Variants in NAALADL2 observed in about 807,000 individuals in gnomAD.
The protein encoded by NAALADL2 is N-acetylated alpha-linked acidic dipeptidase like 2.
A neutral mutation model predicts 87.2 loss-of-function variants in NAALADL2; 76 were observed. The ratio of observed to expected loss-of-function variants is 0.87; its 90% CI spans 0.72 to 1.05. The LOEUF is 1.05. Ranked by LOEUF, NAALADL2 falls within the 50% of genes least tolerant of loss-of-function variation. The probability of loss-of-function intolerance (pLI) is 0.00; values close to 1 mark genes in which losing one functional copy is unlikely to be tolerated. For synonymous variants in NAALADL2, 354 were observed against 331.0 expected (o/e 1.07, Z -0.75); for missense variants, 1,089 against 945.8 (o/e 1.15, Z -1.99).
chr3:175,187,959 G>T (rs1045197358), intron 2 of NAALADL2, among the ~76,000 whole-genome samples: 1 of 152,008 alleles, frequency 6.6e-6, no homozygotes, highest in African/African-American at 2.4e-5. Flanking sequence ...TTTCCTGTAC[G>T]TATTTTCTCT....
chr3:174,864,516 A>G (rs2109559217), intron 1 of NAALADL2, among the ~76,000 whole-genome samples: 1 of 152,218 alleles, frequency 6.6e-6, no homozygotes, highest in African/African-American at 2.4e-5. Context: ...GAAACATTTT[A>G]CATTTCAATT....
intron 2 of NAALADL2, among the ~76,000 whole-genome samples, chr3:174,710,845 C>G (rs1730559876): frequency 6.6e-6 from 1 of 152,182 alleles, no homozygotes; most frequent in African/African-American, 2.4e-5. Context: ...ATTACTCAGC[C>G]TAGCGAGAGC....
chr3:175,549,554 C>A (rs1713994924), intron 9 of NAALADL2, among the ~76,000 whole-genome samples: 1 of 151,858 alleles, frequency 6.6e-6, no homozygotes. Flanking sequence ...GACAATACAG[C>A]TTTTTGGAGA....
chr3:175,041,547 G>A (rs565463552), intron 1 of NAALADL2, among the ~76,000 whole-genome samples: 1 of 152,242 alleles, frequency 6.6e-6, no homozygotes, highest in East Asian at 1.9e-4. Context: ...GCTCATGGAT[G>A]ACACTCAGAC....
At chr3:174,972,100 A>G (rs1743766609) in intron 1 of NAALADL2, among the ~76,000 whole-genome samples, 1 of 152,042 alleles carries the variant, frequency 6.6e-6, no homozygotes, top group Non-Finnish European at 1.5e-5. Flanking sequence ...CCGCCCCTCC[A>G]TATTTTCTTA....
chr3:175,775,810 C>T (rs1328199607), intron 13 of NAALADL2, among the ~76,000 whole-genome samples: 1 of 152,130 alleles, frequency 6.6e-6, no homozygotes, highest in African/African-American at 2.4e-5. Context: ...CACAGGAGTC[C>T]TCCTGGGCTA....
chr3:175,011,260 GAGGGAGAGAGACAGAGAGAC>G (rs1280543157), intron 1 of NAALADL2, among the ~76,000 whole-genome samples: 25 of 130,320 alleles, frequency 1.9e-4, no homozygotes, highest in Middle Eastern at 3.9e-3. Flanking sequence ...GACAGAGAGA[GAGGGAGAGAGACAGAGAGAC>G]AGAGAGAGAG....
At chr3:175,051,823 C>T (rs1755430304) in intron 1 of NAALADL2, among the ~76,000 whole-genome samples, 1 of 152,136 alleles carries the variant, frequency 6.6e-6, no homozygotes, top group Non-Finnish European at 1.5e-5. Context: ...GTGGCTTTCC[C>T]ACGTCCATTT....
chr3:174,690,372 C>T (rs924412625), intron 2 of NAALADL2, among the ~76,000 whole-genome samples: 16 of 152,074 alleles, frequency 1.1e-4, no homozygotes, highest in African/African-American at 3.4e-4. Context: ...AAAAGTTTTA[C>T]GAGTATCATT....
intron 2 of NAALADL2, among the ~76,000 whole-genome samples, chr3:174,580,539 C>T (rs1716050200): frequency 6.6e-6 from 1 of 152,048 alleles, no homozygotes; most frequent in Non-Finnish European, 1.5e-5. Context: ...TCCTTTTAAT[C>T]CCTTTCTCCC....
chr3:175,409,872 TA>T (rs994268825), intron 5 of NAALADL2, among the ~76,000 whole-genome samples: 3 of 151,986 alleles, frequency 2.0e-5, no homozygotes, highest in Non-Finnish European at 2.9e-5. Context: ...AATATTAGAG[TA>T]AAATCACAAA....
At chr3:174,465,153 A>G (rs1254260911) in intron 1 of NAALADL2, among the ~76,000 whole-genome samples, 1 of 152,082 alleles carries the variant, frequency 6.6e-6, no homozygotes, top group African/African-American at 2.4e-5. Flanking sequence ...AATGATCCTT[A>G]AAGAGATTGA....
chr3:174,668,157 C>T (rs4462977), intron 2 of NAALADL2, among the ~76,000 whole-genome samples: 96,608 of 151,952 alleles, frequency 0.64, 31,354 homozygotes, highest in Admixed American at 0.72. Context: ...TGGTTATTTG[C>T]ATGTCTTCCT....
intron 2 of NAALADL2, among the ~76,000 whole-genome samples, chr3:175,165,608 T>C (rs960727641): frequency 3.3e-5 from 5 of 152,156 alleles, no homozygotes; most frequent in African/African-American, 9.7e-5. Context: ...AAGAAATGGT[T>C]TAGCTTCCCC....
chr3:174,649,863 G>T (rs1724177587), intron 2 of NAALADL2, among the ~76,000 whole-genome samples: 1 of 152,052 alleles, frequency 6.6e-6, no homozygotes, highest in Non-Finnish European at 1.5e-5. Context: ...GTTTTAGGCT[G>T]AGTATTAAAA....
chr3:175,083,916 A>G (rs1308619962), intron 1 of NAALADL2, among the ~76,000 whole-genome samples: 1 of 152,204 alleles, frequency 6.6e-6, no homozygotes, highest in African/African-American at 2.4e-5. Context: ...TCAAAGATAA[A>G]AGATAACTCA....
intron 5 of NAALADL2, among the ~76,000 whole-genome samples, chr3:175,390,093 G>T (rs572076724): frequency 6.6e-6 from 1 of 151,918 alleles, no homozygotes; most frequent in South Asian, 2.1e-4. Context: ...AACTTTAAGA[G>T]CCAAGGTAAT....
intron 11 of NAALADL2, among the ~76,000 whole-genome samples, chr3:175,652,206 A>G (rs1363425143): frequency 6.6e-6 from 1 of 152,210 alleles, no homozygotes; most frequent in African/African-American, 2.4e-5. Context: ...GCAATAAAGC[A>G]TAGATCTCTA....
intron 1 of NAALADL2, among the ~76,000 whole-genome samples, chr3:174,531,311 A>G (rs915397448): frequency 9.2e-5 from 14 of 151,894 alleles, no homozygotes; most frequent in African/African-American, 3.4e-4. Flanking sequence ...CTTGGAGTCA[A>G]AAATTGAGAT....
Sources: gnomAD v4.1 joint callset for allele counts (sites outside exome capture counted in the v4.1 genomes callset) on GRCh38, gnomAD v4.1.1 for gene constraint, MANE v1.5 for transcripts, NCBI Gene and HGNC (gene_info 2026-07-23, HGNC 2026-07-21) for gene names.